PPARD: variants seen among roughly 807,000 people sequenced by gnomAD.
The protein encoded by PPARD is peroxisome proliferator-activated receptor delta.
Under a neutral mutation model 39.5 loss-of-function variants are expected in PPARD, and 6 were observed. The ratio of observed to expected loss-of-function variants is 0.15; its 90% CI spans 0.08 to 0.30. The LOEUF (loss-of-function observed/expected upper bound fraction) is 0.30, where lower values mean the gene tolerates loss of function less well. PPARD is among the 10% of genes least tolerant of loss of function. The probability of loss-of-function intolerance (pLI) is 1.00; values close to 1 mark genes in which losing one functional copy is unlikely to be tolerated. For missense variants in PPARD, 397 were observed against 596.8 expected (o/e 0.67, Z 3.49); for synonymous variants, 210 against 231.3 (o/e 0.91, Z 0.83).
rs1436293314 is a variant in PPARD at position 35,423,962 on chromosome 6, G to A, written c.441G>A (p.Arg147=). 1 of 1,614,052 alleles carries A rather than the reference G, an allele frequency of 6.2e-7. No homozygotes were observed. Among genetic ancestry groups the A allele is most frequent in the Non-Finnish European group, 8.5e-7 (1 of 1,180,042 alleles). The change falls in exon 6 of 8, where the codon CGG becomes CGA. Residue 147 remains arginine (R), a synonymous_variant. Transcript: ENST00000360694. Reference sequence around the variant, plus strand: ...CCTGTGCAGCTATCCGTTTTGGTCGGATGCCGGAGGCTGAGAAGAGGAAGC... The same window carrying A: ...CCTGTGCAGCTATCCGTTTTGGTCGAATGCCGGAGGCTGAGAAGAGGAAGC... The part of the protein sequence containing the change: ...GMSHNAIRFG[R]MPEAEKRKLV...
intron 1 of PPARD, among the ~76,000 whole-genome samples, chr6:35,344,723 C>A (rs559968463): frequency 6.6e-6 from 1 of 152,066 alleles, no homozygotes; most frequent in Admixed American, 6.6e-5. Flanking sequence ...GAGTTGGCAA[C>A]CTTTAGGAGC....
In PPARD at chr6:35,425,205, T is replaced by C; in HGVS notation, c.1078+426T>C. The C allele has an allele frequency of 4.4e-6, 4 of 911,736 alleles. No individual in the cohort carries two copies. Among genetic ancestry groups the C allele is most frequent in the Non-Finnish European group, 5.3e-6 (4 of 748,704 alleles). The allele number at this position is 911,736 out of a possible 1,614,324, so 56.5% of individuals were successfully genotyped here. ...AGGAGAATCGCTTGAACCCGAGAGG[T>C]GGAGGTTGCAGTGAGCCAAAATCCC... On this transcript the variant is annotated intron_variant, in intron 7 of 7. Coordinates refer to ENST00000360694, the MANE Select transcript of PPARD (RefSeq NM_006238.5). This position sits in a 1 kb window ranked among gnomAD's most constrained non-coding sequence, Gnocchi z 4.5.
At chr6:35,342,970 C>CCT (rs1274999486) in intron 1 of PPARD, among the ~76,000 whole-genome samples, 2 of 152,018 alleles carry the variant, frequency 1.3e-5, no homozygotes, top group African/African-American at 2.4e-5. Flanking sequence ...CCACCCTACT[C>CCT]TTTGCCCCCT....
chr6:35,421,132 T>G (rs1332430528), intron 4 of PPARD, among the ~76,000 whole-genome samples: 4 of 149,602 alleles, frequency 2.7e-5, no homozygotes, highest in African/African-American at 9.9e-5. Context: ...TGACCCAATT[T>G]TTGTAGTTTT....
At chr6:35,413,295 C>A (rs988947962) in intron 3 of PPARD, among the ~76,000 whole-genome samples, 5 of 152,190 alleles carry the variant, frequency 3.3e-5, no homozygotes, top group African/African-American at 1.2e-4. Flanking sequence ...CAGAGGTTGC[C>A]TCACCAGTCA....
chr6:35,392,705 G>C (rs930495501), intron 2 of PPARD, among the ~76,000 whole-genome samples: 4 of 152,184 alleles, frequency 2.6e-5, no homozygotes, highest in Non-Finnish European at 4.4e-5. Context: ...TTCTTGAGGA[G>C]GCAGCGAGAA....
In PPARD at chr6:35,425,769, G is replaced by A; in HGVS notation, c.1079-63G>A. 6.3e-7 allele frequency: 1 copy of A among 1,586,874 alleles called. No individual in the cohort carries two copies. The highest frequency in any genetic ancestry group is 8.6e-7 in the Non-Finnish European group (1 of 1,167,574). On this transcript the variant is annotated intron_variant, in intron 7 of 7. Coordinates refer to ENST00000360694, the MANE Select transcript of PPARD (RefSeq NM_006238.5). The surrounding 1 kb of genome is among the most constrained non-coding windows in gnomAD (Gnocchi z 4.5). ...GTCCCCTGGGCCAAGTCACCTCTTG[G>A]GGTGGAAGTAGGGGAGCTCCACTGC...
At chr6:35,349,186 C>T (rs1009533391) in intron 2 of PPARD, among the ~76,000 whole-genome samples, 2 of 152,068 alleles carry the variant, frequency 1.3e-5, no homozygotes, top group Non-Finnish European at 1.5e-5. Flanking sequence ...CCACCACGCC[C>T]GGCTAATTTT....
chr6:35,410,979 C>T lies in PPARD; in HGVS notation c.-101-8C>T, dbSNP rs9658132. 0.017 allele frequency: 21,668 copies of T among 1,274,542 alleles called. 197 individuals are homozygous for T. The highest frequency in any genetic ancestry group is 0.019 in the Non-Finnish European group (19,334 of 1,000,500). 79.0% of individuals were successfully genotyped at this position (1,274,542 alleles called of 1,614,324 possible). ...CCCTGACCTCTTCCTGTCTTCTCCT[C>T]TGCCCAGGCTGATGGGAACCACCCT... On this transcript the variant is annotated splice_region_variant and splice_polypyrimidine_tract_variant and intron_variant, in intron 2 of 7. Coordinates refer to ENST00000360694, the MANE Select transcript of PPARD (RefSeq NM_006238.5).
chr6:35,360,689 C>G (rs1332481622), intron 2 of PPARD, among the ~76,000 whole-genome samples: 1 of 152,240 alleles, frequency 6.6e-6, no homozygotes, highest in East Asian at 1.9e-4. Flanking sequence ...GGTACTTGCC[C>G]TCTCAACATG....
chr6:35,423,338 G>A (rs1284432053), intron 5 of PPARD, among the ~76,000 whole-genome samples: 1 of 151,810 alleles, frequency 6.6e-6, no homozygotes, highest in African/African-American at 2.4e-5. Context: ...AGACCAGCCT[G>A]GCCAAGATGG....
At position 35,374,503 on chromosome 6, in the gene PPARD, A is replaced by G. The variant is rs866271811; in HGVS notation, c.-102+27353A>G. The stretch of plus-strand genomic sequence containing the variant: ...AAACCCCATCTCTACTAAAAAATAT[A>G]AAAAATTAGCCGGGCATGGTGGCAG... On this transcript the variant is annotated intron_variant, in intron 2 of 7. Transcript: ENST00000360694. Among the ~76,000 whole-genome samples the G allele has an allele frequency of 2.0e-5, 3 of 151,644 alleles. No homozygotes were observed. The Middle Eastern group carries it at 0.01, about 516-fold the overall frequency.
chr6:35,354,784 G>A (rs1761476223), intron 2 of PPARD, among the ~76,000 whole-genome samples: 2 of 152,112 alleles, frequency 1.3e-5, no homozygotes, highest in South Asian at 2.1e-4. Flanking sequence ...TATTACATGC[G>A]TTTTTGACTT....
At chr6:35,362,809 T>A (rs1661527658) in intron 2 of PPARD, among the ~76,000 whole-genome samples, 1 of 151,978 alleles carries the variant, frequency 6.6e-6, no homozygotes. Flanking sequence ...GAAGAAAATG[T>A]GTCTCAGTGG....
chr6:35,372,488 C>G (rs2150546205), intron 2 of PPARD, among the ~76,000 whole-genome samples: 1 of 152,320 alleles, frequency 6.6e-6, no homozygotes, highest in South Asian at 2.1e-4. Context: ...CCACTCTGAG[C>G]TTTATAACCA....
intron 2 of PPARD, among the ~76,000 whole-genome samples, chr6:35,384,416 G>A (rs1255374376): frequency 3.3e-5 from 4 of 119,552 alleles, no homozygotes; most frequent in African/African-American, 1.2e-4. Context: ...CAGGCCAGCC[G>A]CCCCGTCCGG....
rs542851998 is a variant in PPARD, at chr6:35,347,969, G to A, written c.-102+819G>A. Among the ~76,000 whole-genome samples, 36 of 148,740 alleles carry A rather than the reference G, an allele frequency of 2.4e-4. No individual in the cohort carries two copies. The East Asian group carries it at 6.8e-3, about 28-fold the overall frequency. On this transcript the variant is annotated intron_variant, in intron 2 of 7. Coordinates refer to ENST00000360694, the MANE Select transcript of PPARD (RefSeq NM_006238.5). ...GTTGTCCAGGCTGGAGTGCAATGCCGTGATCTCGGCTCACTGCAACCTCCG... is the reference window on the plus strand; with the variant it reads ...GTTGTCCAGGCTGGAGTGCAATGCCATGATCTCGGCTCACTGCAACCTCCG...
At chr6:35,360,521 GTGGAAT>G (rs1210029714) in intron 2 of PPARD, among the ~76,000 whole-genome samples, 2 of 152,228 alleles carry the variant, frequency 1.3e-5, no homozygotes, top group African/African-American at 4.8e-5. Flanking sequence ...CTAACAAGTG[GTGGAAT>G]TGGAATTTGA....
chr6:35,404,951 CTTTG>C (rs200307841), intron 2 of PPARD, among the ~76,000 whole-genome samples: 90 of 103,042 alleles, frequency 8.7e-4, no homozygotes, highest in African/African-American at 4.1e-3. Context: ...GCACTGCAGG[CTTTG>C]TGTGTGTGTG....
Sources: allele counts gnomAD v4.1 joint callset (sites outside exome capture counted in the v4.1 genomes callset), GRCh38; gene constraint gnomAD v4.1.1; non-coding constraint Gnocchi (gnomAD v3.1); transcripts MANE v1.5; gene names NCBI Gene and HGNC (gene_info 2026-07-23, HGNC 2026-07-21).